The following TG variants were observed in gnomAD, a reference collection of about 807,000 sequenced individuals.
TG encodes the protein thyroid hormones.
TG carries 270 observed loss-of-function variants against 324.7 expected under a neutral mutation model. That is an observed-to-expected ratio of 0.83 (90% CI 0.75 to 0.92). TG has a LOEUF of 0.92. Among genes scored for constraint, TG ranks in the 40% least tolerant of loss-of-function variants. The probability of loss-of-function intolerance (pLI) is 0.00; values close to 1 mark genes in which losing one functional copy is unlikely to be tolerated. For synonymous variants in TG, 1,401 were observed against 1,327.0 expected, an observed-to-expected ratio of 1.06 and a Z score of -1.21; for missense variants, 3,591 against 3,456.4, an observed-to-expected ratio of 1.04 and a Z score of -0.98.
chr8:132,892,893 C>G (rs1192761785), intron 10 of TG, among the ~76,000 whole-genome samples: 5 of 114,122 alleles, frequency 4.4e-5, no homozygotes, highest in Non-Finnish European at 8.9e-5. Context: ...TGTGGTATGC[C>G]TGTGTGCATG....
At chr8:133,038,678 C>T in intron 41 of TG, 1 of 1,614,054 alleles carries the variant, frequency 6.2e-7, no homozygotes, top group Non-Finnish European at 8.5e-7. Context: ...AAGGCCATAG[C>T]TGAAAAGGGA....
In TG at chr8:133,116,636, C is replaced by A. The variant is rs139055416; in HGVS notation, c.7782C>A (p.Ile2594=). 9.3e-6 allele frequency: 15 copies of A among 1,614,218 alleles called. No homozygotes were observed. Among genetic ancestry groups the A allele is most frequent in the Non-Finnish European group, 1.3e-5 (15 of 1,180,020 alleles). Residue 2594 remains isoleucine, a synonymous_variant, in exon 45 of 48, where the codon ATC becomes ATA. Transcript: ENST00000220616. The part of the protein sequence containing the change: ...TRDYFIICPI[I]DMASAWAKRA... ...ACTACTTTATCATCTGCCCTATAATCGACATGGCCAGTGCCTGGGCAAAGA... is the reference window on the plus strand; with the variant it reads ...ACTACTTTATCATCTGCCCTATAATAGACATGGCCAGTGCCTGGGCAAAGA...
intron 35 of TG, among the ~76,000 whole-genome samples, chr8:132,996,739 C>A (rs1832923884): frequency 6.6e-6 from 1 of 152,072 alleles, no homozygotes; most frequent in Non-Finnish European, 1.5e-5. Flanking sequence ...GTGGAGGAGG[C>A]AGCTGTAGAA....
chr8:132,939,342 G>A (rs964018724), intron 25 of TG, among the ~76,000 whole-genome samples: 5 of 152,188 alleles, frequency 3.3e-5, no homozygotes, highest in South Asian at 2.1e-4. Context: ...AGAATCACAT[G>A]CTGTAGGGGA....
At chr8:133,097,828 TAGAG>T in intron 43 of TG, among the ~76,000 whole-genome samples, 1 of 152,238 alleles carries the variant, frequency 6.6e-6, no homozygotes, top group Middle Eastern at 3.4e-3. Context: ...CGTGTGTATG[TAGAG>T]AGAGAGAAAG....
intron 23 of TG, 103 bp from the exon 24 acceptor site, chr8:132,933,458 G>GTGTGTT (rs1823094218): frequency 2.6e-6 from 2 of 764,862 alleles, no homozygotes; most frequent in East Asian, 5.2e-5. Context: ...GTGTGTGTGT[G>GTGTGTT]TGTGTGTTTG....
intron 41 of TG, among the ~76,000 whole-genome samples, chr8:133,082,428 A>G (rs1462362331): frequency 2.0e-5 from 3 of 152,162 alleles, no homozygotes; most frequent in East Asian, 3.9e-4. Flanking sequence ...GTAGATTGCA[A>G]ACTTTCTTAA....
chr8:133,038,246 A>T, intron 41 of TG: 1 of 461,548 alleles, frequency 2.2e-6, no homozygotes, highest in Admixed American at 3.6e-5. Context: ...CACACACACA[A>T]TGTGTGCATA....
intron 27 of TG, among the ~76,000 whole-genome samples, chr8:132,954,300 T>C (rs1367080529): frequency 6.6e-6 from 1 of 152,208 alleles, no homozygotes; most frequent in Non-Finnish European, 1.5e-5. Flanking sequence ...GGTTGTGCAT[T>C]GCCATGTGCT....
intron 43 of TG, among the ~76,000 whole-genome samples, chr8:133,111,528 G>A (rs753132822): frequency 4.6e-5 from 7 of 152,184 alleles, no homozygotes; most frequent in Non-Finnish European, 7.3e-5. Context: ...TAAACTATTA[G>A]CAGGTTGTAG....
At chr8:133,103,736 C>A (rs551459879) in intron 43 of TG, among the ~76,000 whole-genome samples, 14 of 152,306 alleles carry the variant, frequency 9.2e-5, no homozygotes, top group African/African-American at 3.1e-4. Flanking sequence ...CCATAAGGAG[C>A]AGTGAAGTCA....
chr8:133,007,264 C>A (rs1274751672), intron 35 of TG, among the ~76,000 whole-genome samples: 2 of 151,208 alleles, frequency 1.3e-5, no homozygotes, highest in Non-Finnish European at 2.9e-5. Flanking sequence ...GGAGGAGAGG[C>A]GGGGACGGAA....
chr8:132,894,631 G>T lies in TG; in HGVS notation c.3001+702G>T, dbSNP rs576078829. Among the ~76,000 whole-genome samples the T allele has an allele frequency of 1.3e-3, 199 of 152,142 alleles. 6 individuals are homozygous for T. The South Asian group carries it at 0.039, about 30-fold the overall frequency. On this transcript the variant is annotated intron_variant, in intron 11 of 47. Transcript: ENST00000220616. ...GTGCCACCACATGCAGCTAATATTT[G>T]CACATTTTTAGTAGAAACAGGATTT...
intron 5 of TG, among the ~76,000 whole-genome samples, chr8:132,881,067 T>C (rs1814581232): frequency 6.6e-6 from 1 of 152,176 alleles, no homozygotes; most frequent in South Asian, 2.1e-4. Flanking sequence ...AGTTATATAG[T>C]TATATAGGGC....
intron 15 of TG, 140 bp downstream of exon 15, chr8:132,900,479 A>G: frequency 1.3e-6 from 1 of 772,146 alleles, no homozygotes; most frequent in Non-Finnish European, 2.2e-6. Context: ...ACTATGCCTC[A>G]GTTTTCTCAT....
intron 35 of TG, among the ~76,000 whole-genome samples, chr8:133,007,058 G>T (rs1475723443): frequency 6.6e-6 from 1 of 152,124 alleles, no homozygotes; most frequent in Non-Finnish European, 1.5e-5. Flanking sequence ...TTGACTGGAG[G>T]TTGGCTGTCC....
chr8:132,907,114 G>A (rs945280589), intron 17 of TG, among the ~76,000 whole-genome samples: 4 of 152,182 alleles, frequency 2.6e-5, no homozygotes, highest in Non-Finnish European at 4.4e-5. Context: ...GGCTTTCTTT[G>A]TCCCTTCTCT....
At position 132,888,605 on chromosome 8, in the gene TG, G is replaced by GTAAA. The variant is rs754731758; in HGVS notation, c.2761+38_2761+39insAAAT. ...CATATGAAGAGTTAAATGTGTGTGT[G>GTAAA]TGTGTGTGTGTGTGTGTATGTGTGT... is the stretch of plus-strand genomic sequence containing the variant. On this transcript the variant is annotated intron_variant, in intron 10 of 47. Transcript: ENST00000220616. The GTAAA allele has an allele frequency of 5.8e-5, 89 of 1,530,624 alleles. No individual in the cohort carries two copies. The South Asian group carries it at 1.0e-3, about 17-fold the overall frequency. 94.8% of individuals were successfully genotyped at this position (1,530,624 alleles called of 1,614,324 possible).
At chr8:132,998,409 C>T (rs542811836) in intron 35 of TG, among the ~76,000 whole-genome samples, 19 of 152,250 alleles carry the variant, frequency 1.2e-4, no homozygotes, top group African/African-American at 4.6e-4. Flanking sequence ...GCTGAAGGTC[C>T]ACAGGTTGTA....
Sources: gnomAD v4.1 joint callset for allele counts (sites outside exome capture counted in the v4.1 genomes callset) on GRCh38, gnomAD v4.1.1 for gene constraint, MANE v1.5 for transcripts, NCBI Gene and HGNC (gene_info 2026-07-23, HGNC 2026-07-21) for gene names.